Variants in TANGO2 observed in about 807,000 individuals in gnomAD.
TANGO2 encodes the protein transport and Golgi organization protein 2 homolog.
Under a neutral mutation model 39.1 loss-of-function variants are expected in TANGO2, and 26 were observed. The observed-to-expected ratio is 0.67, with a 90% CI of 0.49 to 0.92. The LOEUF (loss-of-function observed/expected upper bound fraction) is 0.92, where lower values mean the gene tolerates loss of function less well. TANGO2 is among the 40% of genes least tolerant of loss of function. The pLI, the probability that TANGO2 is intolerant of heterozygous loss-of-function variation, is 0.00. For missense variants in TANGO2, 326 were observed against 360.1 expected (o/e 0.91, Z 0.77); for synonymous variants, 131 against 144.5 (o/e 0.91, Z 0.67).
intron 1 of TANGO2, among the ~76,000 whole-genome samples, chr22:20,028,394 C>T (rs960757039): frequency 1.3e-5 from 2 of 152,228 alleles, no homozygotes; most frequent in African/African-American, 4.8e-5. Flanking sequence ...GGATGACAGA[C>T]ATGAGCCCTG....
At chr22:20,042,722 G>A (rs2044206467) in intron 2 of TANGO2, among the ~76,000 whole-genome samples, 1 of 152,172 alleles carries the variant, frequency 6.6e-6, no homozygotes, top group Middle Eastern at 3.4e-3. Context: ...CCGATGTCAC[G>A]CCACTGCACT....
chr22:20,053,512 A>G lies in TANGO2; in HGVS notation c.341A>G (p.His114Arg), dbSNP rs1265359834. 3.7e-6 allele frequency: 6 copies of G among 1,613,890 alleles called. No individual in the cohort carries two copies. The highest frequency in any genetic ancestry group is 1.1e-5 in the South Asian group (1 of 91,076). ...CTGAAGAAGGTCTCTATGGAGGGCC[A>G]TCTGTACAATGGCTTCAACCTCATA... ...SYLKKVSMEG[H>R]LYNGFNLIAA... The change falls in exon 5 of 9, where the codon CAT becomes CGT. Residue 114 changes from histidine to arginine, a missense_variant. Transcript: ENST00000327374.
intron 3 of TANGO2, among the ~76,000 whole-genome samples, chr22:20,050,915 C>T (rs1350955967): frequency 4.7e-5 from 7 of 147,886 alleles, no homozygotes; most frequent in African/African-American, 1.5e-4. Context: ...GCAACCTCCA[C>T]CTCCCGGGTT....
At chr22:20,058,761 T>C (rs2047846654) in intron 6 of TANGO2, among the ~76,000 whole-genome samples, 1 of 152,120 alleles carries the variant, frequency 6.6e-6, no homozygotes, top group Admixed American at 6.5e-5. Flanking sequence ...ACTGAGGTGC[T>C]CTCTTTGAAG....
At chr22:20,037,041 G>A (rs1425068031) in intron 2 of TANGO2, 187 bp downstream of exon 2, 2 of 1,554,394 alleles carry the variant, frequency 1.3e-6, no homozygotes, top group East Asian at 4.5e-5. Context: ...TCGGGGCGGG[G>A]ACTCCAGTCA....
chr22:20,023,943 A>C (rs2146685682), intron 1 of TANGO2, among the ~76,000 whole-genome samples: 1 of 152,086 alleles, frequency 6.6e-6, no homozygotes, highest in South Asian at 2.1e-4. Context: ...GCACTTTGGG[A>C]GGCCGAGACA....
rs936813933 is a variant in TANGO2, at chr22:20,066,864, C to G, written c.*2202C>G. On this transcript the variant is annotated 3_prime_UTR_variant, in exon 9 of 9. Coordinates refer to ENST00000327374, the MANE Select transcript of TANGO2 (RefSeq NM_152906.7). The stretch of plus-strand genomic sequence containing the variant: ...CCGGCCTGCCCAGGAAGAGCAGTCT[C>G]TGCTCTTGTGTGGGTCCCTCTGCCC... 2 of 152,364 alleles carry G rather than the reference C, an allele frequency of 1.3e-5. No homozygotes were observed. The highest frequency in any genetic ancestry group is 2.9e-5 in the Non-Finnish European group (2 of 68,214). The allele number at this position is 152,364 out of a possible 1,614,324, so 9.4% of individuals were successfully genotyped here. A position where few individuals can be genotyped will look rare whatever the true frequency, so the allele number is the denominator to read the frequency against.
At position 20,057,812 on chromosome 22, in the gene TANGO2, C is replaced by T. The variant is rs530428439; in HGVS notation, c.451+1799C>T. 3.6e-4 allele frequency among the ~76,000 whole-genome samples: 55 copies of T among 152,290 alleles called. No homozygotes were observed. Among genetic ancestry groups the T allele is most frequent in the Admixed American group, 7.2e-4 (11 of 15,288 alleles). ...AATTGGAAACTAAAAGGTGCAAAAG[C>T]AGTCAGAGACTCCCTACCACCCCCT... On this transcript the variant is annotated intron_variant, in intron 6 of 8. Transcript: ENST00000327374. The surrounding 1 kb of genome is among the most constrained non-coding windows in gnomAD (Gnocchi z 4.1).
intron 1 of TANGO2, among the ~76,000 whole-genome samples, chr22:20,023,295 C>CT (rs66496952): frequency 1.3e-5 from 2 of 151,610 alleles, no homozygotes; most frequent in African/African-American, 2.4e-5. Flanking sequence ...GAGTGCCCCC[C>CT]TTTTTTTTTG....
intron 4 of TANGO2, chr22:20,053,215 G>A (rs1202867032): frequency 1.4e-5 from 7 of 492,682 alleles, no homozygotes; most frequent in Admixed American, 1.0e-4. Flanking sequence ...AAGACATAGT[G>A]GGGAAATTTT....
At chr22:20,045,437 G>GA (rs966519928) in intron 3 of TANGO2, among the ~76,000 whole-genome samples, 14 of 146,388 alleles carry the variant, frequency 9.6e-5, no homozygotes, top group African/African-American at 2.0e-4. Context: ...GACCCTGTCT[G>GA]AAAAAAAAGA....
rs2048407336 is a variant in TANGO2, at chr22:20,061,661, G to A, written c.583G>A (p.Asp195Asn). The change falls in exon 7 of 9, where the codon GAT (aspartate) becomes AAT (asparagine). Residue 195 changes from aspartate (D) to asparagine (N), a missense_variant. Coordinates refer to ENST00000327374, the MANE Select transcript of TANGO2 (RefSeq NM_152906.7). ...GGATGTGCTCATCGCCAGCCTCCTG[G>A]ATGTGCTCAACAATGAAGAGGCGTG... ...PKDVLIASLL[D>N]VLNNEEAQLP... The A allele has an allele frequency of 6.4e-7, 1 of 1,555,024 alleles. No individual in the cohort carries two copies. Among genetic ancestry groups the A allele is most frequent in the African/African-American group, 1.4e-5 (1 of 73,574 alleles).
chr22:20,061,181 C>T (rs140358672), intron 6 of TANGO2: 2 of 186,132 alleles, frequency 1.1e-5, no homozygotes, highest in African/African-American at 4.7e-5. Context: ...CAGGTGGCCC[C>T]CCAACCTGGC....
chr22:20,046,272 A>G (rs12160119), intron 3 of TANGO2, among the ~76,000 whole-genome samples: 7 of 151,904 alleles, frequency 4.6e-5, no homozygotes, highest in African/African-American at 1.7e-4. Context: ...CAGCCTCCCT[A>G]GTAGCTGGGA....
At chr22:20,029,479 T>A (rs2041426003) in intron 1 of TANGO2, among the ~76,000 whole-genome samples, 2 of 152,196 alleles carry the variant, frequency 1.3e-5, no homozygotes, top group Admixed American at 1.3e-4. Flanking sequence ...TATGCTGGGA[T>A]TCTGGGAAGA....
At chr22:20,055,661 G>A in intron 5 of TANGO2, 2 of 515,362 alleles carry the variant, frequency 3.9e-6, no homozygotes, top group Admixed American at 3.2e-5. Flanking sequence ...ATGCCATGGG[G>A]CATTCGGCAT....
intron 1 of TANGO2, among the ~76,000 whole-genome samples, chr22:20,036,292 C>G (rs138416456): frequency 1.3e-5 from 2 of 152,120 alleles, no homozygotes; most frequent in Admixed American, 6.5e-5. Context: ...AATTGCTTGT[C>G]GAAACTGTGC....
chr22:20,028,325 G>A (rs1280807659), intron 1 of TANGO2, among the ~76,000 whole-genome samples: 3 of 152,188 alleles, frequency 2.0e-5, no homozygotes, highest in South Asian at 2.1e-4. Flanking sequence ...GTGTTTCACA[G>A]GCTGGACTTA....
rs869320693 is a variant in TANGO2, at chr22:20,036,801, GT to G, written c.4del (p.Cys2AlafsTer35). MCIIFFKFDPRP... is the reference protein window; with the variant it reads MXIIFFKFDPRP... ...CAGCAGAGCCGCCCTGCACCACCAT[GT>G]GCATCATCTTCTTTAAGTTTGATCC... On this transcript the variant is annotated frameshift_variant, in exon 2 of 9. Transcript: ENST00000327374. LOFTEE classifies it high-confidence loss of function. 6.8e-6 allele frequency: 11 copies of G among 1,614,256 alleles called. No individual in the cohort carries two copies. The highest frequency in any genetic ancestry group is 9.3e-6 in the Non-Finnish European group (11 of 1,180,048).
Sources: allele counts gnomAD v4.1 joint callset (sites outside exome capture counted in the v4.1 genomes callset), GRCh38; gene constraint gnomAD v4.1.1; non-coding constraint Gnocchi (gnomAD v3.1); transcripts MANE v1.5; gene names NCBI Gene and HGNC (gene_info 2026-07-23, HGNC 2026-07-21).